The following ANKS1B variants were observed in gnomAD, a reference collection of about 807,000 sequenced individuals.
ANKS1B encodes the protein ankyrin repeat and sterile alpha motif domain containing 1B.
In ANKS1B, 36 loss-of-function variants were observed where a neutral mutation model predicts 148.3. That is an observed-to-expected ratio of 0.24 (90% CI 0.19 to 0.32). The LOEUF (loss-of-function observed/expected upper bound fraction) is 0.32. Ranked by LOEUF, ANKS1B falls within the 10% of genes least tolerant of loss-of-function variation. The probability of loss-of-function intolerance (pLI) is 1.00; values close to 1 mark genes in which losing one functional copy is unlikely to be tolerated. For missense variants in ANKS1B, 1,157 were observed against 1,542.6 expected (o/e 0.75, Z 4.19); for synonymous variants, 542 against 560.8 (o/e 0.97, Z 0.47).
intron 17 of ANKS1B, among the ~76,000 whole-genome samples, chr12:99,021,460 G>A (rs2099945754): frequency 6.6e-6 from 1 of 152,020 alleles, no homozygotes; most frequent in Admixed American, 6.6e-5. Flanking sequence ...CTAAGTATTG[G>A]TTCTCATTTG....
intron 17 of ANKS1B, among the ~76,000 whole-genome samples, chr12:98,984,740 T>G (rs1165593353): frequency 6.6e-6 from 1 of 152,200 alleles, no homozygotes; most frequent in Non-Finnish European, 1.5e-5. Context: ...TGGCTCATGG[T>G]GGCTCATGCC....
At chr12:99,831,734 T>C (rs1300214279) in intron 1 of ANKS1B, among the ~76,000 whole-genome samples, 1 of 151,926 alleles carries the variant, frequency 6.6e-6, no homozygotes, top group African/African-American at 2.4e-5. Flanking sequence ...TTTTTTTAGC[T>C]TATGTGAACC....
chr12:99,473,732 T>C (rs913062178), intron 10 of ANKS1B, among the ~76,000 whole-genome samples: 1 of 152,098 alleles, frequency 6.6e-6, no homozygotes, highest in Non-Finnish European at 1.5e-5. Flanking sequence ...TTTCAGGGAA[T>C]TGTCTTTGCC....
chr12:99,973,302 A>G (rs1216919893), intron 1 of ANKS1B, among the ~76,000 whole-genome samples: 1 of 152,266 alleles, frequency 6.6e-6, no homozygotes, highest in Non-Finnish European at 1.5e-5. Flanking sequence ...TTTGCGGGCC[A>G]GGTGCAGTGG....
chr12:98,759,042 A>C (rs1415564459), intron 25 of ANKS1B, among the ~76,000 whole-genome samples: 1 of 151,708 alleles, frequency 6.6e-6, no homozygotes, highest in Non-Finnish European at 1.5e-5. Context: ...GGGCCTCCCA[A>C]AGTGCTAGAA....
chr12:98,963,229 G>A (rs2153156140), intron 17 of ANKS1B, among the ~76,000 whole-genome samples: 1 of 151,534 alleles, frequency 6.6e-6, no homozygotes, highest in Non-Finnish European at 1.5e-5. Context: ...ACCCAGGCTG[G>A]AGTGCAGTGG....
intron 9 of ANKS1B, among the ~76,000 whole-genome samples, chr12:99,543,619 T>C (rs569133121): frequency 6.6e-6 from 1 of 152,290 alleles, no homozygotes; most frequent in East Asian, 1.9e-4. Context: ...TTGAATATTA[T>C]TTTGTAATAA....
At chr12:99,744,852 C>T (rs935370422) in intron 8 of ANKS1B, among the ~76,000 whole-genome samples, 5 of 151,622 alleles carry the variant, frequency 3.3e-5, no homozygotes, top group Non-Finnish European at 4.4e-5. Context: ...ATTAGCTGGG[C>T]GTGGTGGCAC....
At chr12:99,697,768 T>C (rs1160200821) in intron 8 of ANKS1B, among the ~76,000 whole-genome samples, 3 of 152,096 alleles carry the variant, frequency 2.0e-5, no homozygotes, top group Admixed American at 1.3e-4. Flanking sequence ...TCAATATCAG[T>C]TGAACAATTT....
At chr12:98,974,365 T>C (rs2099888272) in intron 17 of ANKS1B, among the ~76,000 whole-genome samples, 1 of 152,190 alleles carries the variant, frequency 6.6e-6, no homozygotes, top group Non-Finnish European at 1.5e-5. Flanking sequence ...TATTCACAAG[T>C]AATACGAATA....
chr12:99,298,906 T>C lies in ANKS1B; in HGVS notation c.1757-52042A>G, dbSNP rs1036717901. On this transcript the variant is annotated intron_variant, in intron 12 of 26. Transcript: ENST00000683438. The stretch of plus-strand genomic sequence containing the variant: ...GACTGAAATTGTTCATTTTCTGTTT[T>C]TATAGACATTTCTGTTTTTTAAAAC... 3.3e-5 allele frequency among the ~76,000 whole-genome samples: 5 copies of C among 152,236 alleles called. No individual in the cohort carries two copies. In the East Asian group the frequency reaches 9.6e-4, roughly 29 times the overall value.
chr12:98,836,938 T>A (rs913017404), intron 17 of ANKS1B, among the ~76,000 whole-genome samples: 1 of 152,136 alleles, frequency 6.6e-6, no homozygotes, highest in Non-Finnish European at 1.5e-5. Context: ...ATTGGAGAGA[T>A]CAGGCACAAA....
At chr12:99,844,162 A>G (rs2086228829) in intron 1 of ANKS1B, among the ~76,000 whole-genome samples, 1 of 152,124 alleles carries the variant, frequency 6.6e-6, no homozygotes, top group African/African-American at 2.4e-5. Flanking sequence ...GTCAGAGAGT[A>G]GATTGCAAGA....
At chr12:99,426,653 G>A (rs2095260626) in intron 11 of ANKS1B, among the ~76,000 whole-genome samples, 1 of 152,102 alleles carries the variant, frequency 6.6e-6, no homozygotes, top group Admixed American at 6.5e-5. Context: ...ATACTTTCCA[G>A]AAAATTTTTC....
At chr12:99,872,643 C>A (rs765786229) in intron 1 of ANKS1B, among the ~76,000 whole-genome samples, 3 of 152,096 alleles carry the variant, frequency 2.0e-5, no homozygotes, top group Non-Finnish European at 4.4e-5. Context: ...TTCTGAAATG[C>A]TAAAAACAAT....
At chr12:98,818,273 G>C (rs2099158275) in intron 19 of ANKS1B, among the ~76,000 whole-genome samples, 1 of 151,528 alleles carries the variant, frequency 6.6e-6, no homozygotes, top group South Asian at 2.1e-4. Flanking sequence ...AGAAGTCCTC[G>C]GCTACTAAAG....
At chr12:98,962,526 T>C (rs1029855175) in intron 17 of ANKS1B, among the ~76,000 whole-genome samples, 4 of 151,980 alleles carry the variant, frequency 2.6e-5, no homozygotes, top group African/African-American at 9.7e-5. Flanking sequence ...AGTTTCAGCA[T>C]TGAACAAATG....
intron 1 of ANKS1B, among the ~76,000 whole-genome samples, chr12:99,976,268 T>TG (rs2095627658): frequency 6.6e-6 from 1 of 152,192 alleles, no homozygotes; most frequent in Non-Finnish European, 1.5e-5. Flanking sequence ...ACAGGATCCA[T>TG]GCTCCAAACC....
chr12:99,509,032 G>C (rs753816745), intron 9 of ANKS1B, among the ~76,000 whole-genome samples: 1 of 151,800 alleles, frequency 6.6e-6, no homozygotes, highest in Non-Finnish European at 1.5e-5. Flanking sequence ...GGCCATCTGT[G>C]ATCAGTGAGC....
Sources: gnomAD v4.1 joint callset for allele counts (sites outside exome capture counted in the v4.1 genomes callset) on GRCh38, gnomAD v4.1.1 for gene constraint, MANE v1.5 for transcripts, NCBI Gene and HGNC (gene_info 2026-07-23, HGNC 2026-07-21) for gene names.